MCUB: variants seen among roughly 807,000 people sequenced by gnomAD.
The protein encoded by MCUB is calcium uniporter regulatory subunit MCUb, mitochondrial.
MCUB carries 46 observed loss-of-function variants against 41.4 expected under a neutral mutation model. The ratio of observed to expected loss-of-function variants is 1.11; its 90% CI spans 0.88 to 1.42. The LOEUF is 1.42. Among genes scored for constraint, MCUB ranks in the 40% most tolerant of loss-of-function variants. MCUB has a pLI of 0.00. For synonymous variants in MCUB, 148 were observed against 148.2 expected (o/e 1.00, Z 0.01); for missense variants, 403 against 404.9 (o/e 1.00, Z 0.04).
chr4:109,596,842 C>CCAG (rs1243294309), intron 1 of MCUB, among the ~76,000 whole-genome samples: 2 of 150,048 alleles, frequency 1.3e-5, no homozygotes, highest in East Asian at 3.9e-4. Flanking sequence ...AACAAGTGAA[C>CCAG]AAAGGTCTCT....
rs1729899975 is a variant in MCUB, at chr4:109,688,260, T to A, written c.*668T>A. 6.6e-6 allele frequency: 1 copy of A among 152,234 alleles called. No individual in the cohort carries two copies. Among genetic ancestry groups the A allele is most frequent in the Non-Finnish European group, 1.5e-5 (1 of 68,052 alleles). The allele number at this position is 152,234 out of a possible 1,614,324, so 9.4% of individuals were successfully genotyped here. A position where few individuals can be genotyped will look rare whatever the true frequency, so the allele number is the denominator to read the frequency against. ...ATTAACAAAACAGTATTATTCAGAT[T>A]CTATATCATATTAATAAGAATTGAA... On this transcript the variant is annotated 3_prime_UTR_variant, in exon 8 of 8. Coordinates refer to ENST00000394650, the MANE Select transcript of MCUB (RefSeq NM_017918.5).
At chr4:109,681,536 C>T in intron 4 of MCUB, 2 of 430,248 alleles carry the variant, frequency 4.6e-6, no homozygotes, top group South Asian at 3.4e-5. Flanking sequence ...GGGTTCTTGG[C>T]CTCACGGATT....
At chr4:109,647,990 A>G (rs1161757731) in intron 1 of MCUB, among the ~76,000 whole-genome samples, 4 of 152,336 alleles carry the variant, frequency 2.6e-5, no homozygotes, top group Admixed American at 2.6e-4. Flanking sequence ...ACTAGAGGAA[A>G]AAGTACTAGG....
chr4:109,664,192 T>C, intron 3 of MCUB, 98 bp from the exon 4 acceptor site: 1 of 700,868 alleles, frequency 1.4e-6, no homozygotes, highest in Non-Finnish European at 2.6e-6. Flanking sequence ...TCCACTATTA[T>C]ATTGTAAAGA....
At chr4:109,619,681 T>C (rs939133139) in intron 1 of MCUB, among the ~76,000 whole-genome samples, 1 of 152,172 alleles carries the variant, frequency 6.6e-6, no homozygotes, top group Admixed American at 6.5e-5. Context: ...CACTCCAGCC[T>C]GGTGACTGGG....
chr4:109,655,777 G>C (rs1032325521), intron 1 of MCUB, among the ~76,000 whole-genome samples: 3 of 152,090 alleles, frequency 2.0e-5, no homozygotes, highest in African/African-American at 7.2e-5. Flanking sequence ...GGTGGGGGTT[G>C]TGGGGAGGTT....
intron 1 of MCUB, among the ~76,000 whole-genome samples, chr4:109,632,451 G>A (rs974186228): frequency 6.6e-6 from 1 of 152,130 alleles, no homozygotes; most frequent in African/African-American, 2.4e-5. Flanking sequence ...TAAGACAGCA[G>A]TAATAATTTA....
At chr4:109,676,635 G>A (rs1729583204) in intron 4 of MCUB, among the ~76,000 whole-genome samples, 1 of 152,154 alleles carries the variant, frequency 6.6e-6, no homozygotes, top group Admixed American at 6.5e-5. Flanking sequence ...TGTTATAGCA[G>A]TAACTCTGCT....
At chr4:109,599,759 C>G (rs1727685505) in intron 1 of MCUB, among the ~76,000 whole-genome samples, 1 of 152,098 alleles carries the variant, frequency 6.6e-6, no homozygotes, top group South Asian at 2.1e-4. Flanking sequence ...ACCTCTACCT[C>G]CCAGGTTCAA....
At chr4:109,670,726 A>AAAAAAG (rs755053976) in intron 4 of MCUB, among the ~76,000 whole-genome samples, 3 of 152,154 alleles carry the variant, frequency 2.0e-5, no homozygotes, top group Middle Eastern at 3.4e-3. Context: ...CTCCAAAAAA[A>AAAAAAG]AAAAAGAAAA....
intron 1 of MCUB, among the ~76,000 whole-genome samples, chr4:109,602,723 G>GT (rs1727771224): frequency 6.6e-6 from 1 of 152,104 alleles, no homozygotes. Context: ...TTTAGGATTT[G>GT]TTTTTTCTAT....
At chr4:109,668,698 G>GT (rs749313225) in intron 4 of MCUB, among the ~76,000 whole-genome samples, 2,148 of 141,314 alleles carry the variant, frequency 0.015, 31 homozygotes, top group African/African-American at 0.037. Context: ...TGTTGCCACT[G>GT]TTTTTTTTTT....
chr4:109,603,203 C>G (rs948781667), intron 1 of MCUB, among the ~76,000 whole-genome samples: 2 of 152,226 alleles, frequency 1.3e-5, no homozygotes, highest in African/African-American at 2.4e-5. Flanking sequence ...CTGCCTGATT[C>G]TCCTGCCTCA....
In MCUB at chr4:109,627,091, G is replaced by T. The variant is rs117679846; in HGVS notation, c.100-31920G>T. Among the ~76,000 whole-genome samples the T allele has an allele frequency of 7.4e-3, 1,124 of 152,264 alleles. 25 individuals are homozygous for T. Among genetic ancestry groups the T allele is most frequent in the East Asian group, 0.065 (337 of 5,180 alleles). ...ATTAGTGGATGAATTATGAACATTT[G>T]CTAGGGATATTTAGTTTTCAGTTCT... On this transcript the variant is annotated intron_variant, in intron 1 of 7. Transcript: ENST00000394650.
intron 1 of MCUB, among the ~76,000 whole-genome samples, chr4:109,645,111 CTCTT>C (rs1728804904): frequency 6.6e-6 from 1 of 152,266 alleles, no homozygotes; most frequent in Non-Finnish European, 1.5e-5. Flanking sequence ...TTGAACTGAG[CTCTT>C]TCTTATTCCT....
Position 109,687,548 on chromosome 4 carries a change from C to T in MCUB, c.967C>T (p.Leu323Phe). The T allele has an allele frequency of 6.2e-7, 1 of 1,612,824 alleles. No homozygotes were observed. The highest frequency in any genetic ancestry group is 8.5e-7 in the Non-Finnish European group (1 of 1,179,086). ...ATCCCTGAAACAGGCGCGTCATTCT[C>T]TCTGTTTGCAAATGCAAGTAGAAGA... Reference protein sequence around the residue: ...KESLKQARHSLCLQMQVEELN... With the variant: ...KESLKQARHSFCLQMQVEELN... Residue 323 changes from leucine to phenylalanine, a missense_variant, in exon 8 of 8, where the codon CTC (leucine) becomes TTC (phenylalanine). Transcript: ENST00000394650.
intron 1 of MCUB, among the ~76,000 whole-genome samples, chr4:109,575,930 G>A (rs1442686800): frequency 1.3e-5 from 2 of 152,230 alleles, no homozygotes; most frequent in East Asian, 3.9e-4. Flanking sequence ...TGGTTTAGTC[G>A]AATTGGCCAT....
intron 4 of MCUB, among the ~76,000 whole-genome samples, chr4:109,667,962 G>C (rs115003441): frequency 0.011 from 1,621 of 151,528 alleles, 34 homozygotes; most frequent in African/African-American, 0.037. Context: ...AGCTATCTTT[G>C]GGTTATTGAT....
At chr4:109,595,440 AGGT>A (rs1354223250) in intron 1 of MCUB, among the ~76,000 whole-genome samples, 2 of 152,104 alleles carry the variant, frequency 1.3e-5, no homozygotes, top group African/African-American at 4.8e-5. Flanking sequence ...GTTATTGAAA[AGGT>A]GAACTGAAAG....
Sources: allele counts gnomAD v4.1 joint callset (sites outside exome capture counted in the v4.1 genomes callset), GRCh38; gene constraint gnomAD v4.1.1; transcripts MANE v1.5; gene names NCBI Gene and HGNC (gene_info 2026-07-23, HGNC 2026-07-21).